Variants in ERC2 observed in about 807,000 individuals in gnomAD.
The protein encoded by ERC2 is ERC protein 2.
Under a neutral mutation model 114.8 loss-of-function variants are expected in ERC2, and 42 were observed. That is an observed-to-expected ratio of 0.37 (90% CI 0.29 to 0.47). The LOEUF is 0.47. Ranked by LOEUF, ERC2 falls within the 20% of genes least tolerant of loss-of-function variation. The probability of loss-of-function intolerance (pLI) is 0.99; values close to 1 mark genes in which losing one functional copy is unlikely to be tolerated. For synonymous variants in ERC2, 454 were observed against 425.5 expected (o/e 1.07, Z -0.82); for missense variants, 939 against 1,150.7 (o/e 0.82, Z 2.66).
intron 2 of ERC2, among the ~76,000 whole-genome samples, chr3:56,412,903 G>A (rs566984202): frequency 5.0e-4 from 76 of 152,266 alleles, no homozygotes; most frequent in Non-Finnish European, 8.7e-4. Flanking sequence ...AGAAAAAAAT[G>A]GATAGACATA....
intron 17 of ERC2, among the ~76,000 whole-genome samples, chr3:55,561,610 G>C (rs73830647): frequency 0.018 from 2,698 of 152,212 alleles, 90 homozygotes; most frequent in African/African-American, 0.061. Flanking sequence ...AATGAATGTG[G>C]CATTTTTGTG....
Position 56,045,607 on chromosome 3 carries a change from G to A in ERC2, c.1642-26576C>T, listed in dbSNP as rs371642228. 3.5e-4 allele frequency among the ~76,000 whole-genome samples: 53 copies of A among 152,168 alleles called. 1 individual carries two copies. The highest frequency in any genetic ancestry group is 1.0e-3 in the South Asian group (5 of 4,814). On this transcript the variant is annotated intron_variant, in intron 7 of 17. Coordinates refer to ENST00000288221, the MANE Select transcript of ERC2 (RefSeq NM_015576.3). The stretch of plus-strand genomic sequence containing the variant: ...CATCTAAAATTCACAAATGCTATAC[G>A]GTAACTTTGAGCACCTTTAAAATTT...
intron 14 of ERC2, among the ~76,000 whole-genome samples, chr3:55,857,632 T>A (rs535372657): frequency 6.6e-6 from 1 of 152,196 alleles, no homozygotes; most frequent in South Asian, 2.1e-4. Flanking sequence ...AGAAAAAAGG[T>A]GAGCTGGGAG....
intron 2 of ERC2, among the ~76,000 whole-genome samples, chr3:56,367,522 G>T (rs936373990): frequency 2.6e-5 from 4 of 151,658 alleles, no homozygotes; most frequent in Admixed American, 6.6e-5. Flanking sequence ...CTCTCCTAAG[G>T]CCCCAAGATG....
chr3:56,388,154 C>A (rs1278686326), intron 2 of ERC2, among the ~76,000 whole-genome samples: 1 of 152,120 alleles, frequency 6.6e-6, no homozygotes, highest in Non-Finnish European at 1.5e-5. Context: ...AATGGTGATA[C>A]AGTTTGGATG....
chr3:55,592,894 C>T (rs1030356128), intron 17 of ERC2, among the ~76,000 whole-genome samples: 8 of 152,236 alleles, frequency 5.3e-5, no homozygotes, highest in East Asian at 1.9e-4. Flanking sequence ...CTACTGTACC[C>T]GTTAAAATGC....
At chr3:56,381,922 C>A (rs574662509) in intron 2 of ERC2, among the ~76,000 whole-genome samples, 15 of 152,192 alleles carry the variant, frequency 9.9e-5, no homozygotes, top group African/African-American at 3.4e-4. Flanking sequence ...CTCCTATACC[C>A]TCAACCTCTT....
chr3:55,604,026 C>G (rs1194645748), intron 17 of ERC2, among the ~76,000 whole-genome samples: 1 of 152,134 alleles, frequency 6.6e-6, no homozygotes, highest in African/African-American at 2.4e-5. Context: ...ACTGTGCCTG[C>G]CAGGCTGACT....
At chr3:55,542,992 G>A (rs1296501761) in intron 17 of ERC2, among the ~76,000 whole-genome samples, 2 of 152,180 alleles carry the variant, frequency 1.3e-5, no homozygotes, top group African/African-American at 4.8e-5. Context: ...TGTTACCACT[G>A]GGATGATCTG....
chr3:55,935,594 G>A (rs963925692), intron 13 of ERC2, among the ~76,000 whole-genome samples: 6 of 152,206 alleles, frequency 3.9e-5, no homozygotes, highest in African/African-American at 1.4e-4. Flanking sequence ...GCTTCACTTA[G>A]AGAACCAAAG....
chr3:56,446,446 A>C (rs1185753567), intron 1 of ERC2, among the ~76,000 whole-genome samples: 2 of 152,036 alleles, frequency 1.3e-5, no homozygotes, highest in Non-Finnish European at 1.5e-5. Context: ...GTTGTAACTC[A>C]TGAGGAAGGC....
chr3:55,911,696 G>A (rs2064824525), intron 13 of ERC2, among the ~76,000 whole-genome samples: 1 of 152,048 alleles, frequency 6.6e-6, no homozygotes, highest in South Asian at 2.1e-4. Flanking sequence ...TATGTTAGAG[G>A]GAAAAATTTA....
rs376179414 is a variant in ERC2 at position 56,188,064 on chromosome 3, CAG to C, written c.1075-14546_1075-14545del. ...GGATTTGCTCTGATTAATAGGGTGA[CAG>C]GGGGAGGAAAGGGCCTGTCATCCAT... On this transcript the variant is annotated intron_variant, in intron 3 of 17. Coordinates refer to ENST00000288221, the MANE Select transcript of ERC2 (RefSeq NM_015576.3). Among the ~76,000 whole-genome samples the C allele has an allele frequency of 3.4e-3, 524 of 152,192 alleles. 1 individual carries two copies. Among genetic ancestry groups the C allele is most frequent in the African/African-American group, 0.012 (492 of 41,506 alleles).
intron 17 of ERC2, among the ~76,000 whole-genome samples, chr3:55,575,163 C>T (rs1189833447): frequency 3.9e-5 from 6 of 152,130 alleles, no homozygotes; most frequent in African/African-American, 1.2e-4. Flanking sequence ...TACAGGCATG[C>T]GCCACTAAGC....
At chr3:55,852,133 T>C (rs564688333) in intron 14 of ERC2, among the ~76,000 whole-genome samples, 77 of 152,236 alleles carry the variant, frequency 5.1e-4, no homozygotes, top group African/African-American at 1.7e-3. Flanking sequence ...GGCAGGAGAA[T>C]TGCTTGTACC....
chr3:56,245,120 C>T (rs149180045), intron 3 of ERC2, among the ~76,000 whole-genome samples: 6 of 151,868 alleles, frequency 4.0e-5, no homozygotes, highest in Non-Finnish European at 8.8e-5. Context: ...GACAAAATCA[C>T]CTAATGTCAC....
chr3:55,762,831 G>C (rs960494218), intron 14 of ERC2, among the ~76,000 whole-genome samples: 1 of 152,196 alleles, frequency 6.6e-6, no homozygotes, highest in Non-Finnish European at 1.5e-5. Flanking sequence ...GTGTGGAGGA[G>C]AGACCTAACT....
At chr3:56,334,961 T>A (rs560394836) in intron 2 of ERC2, among the ~76,000 whole-genome samples, 2 of 152,174 alleles carry the variant, frequency 1.3e-5, no homozygotes, top group African/African-American at 2.4e-5. Context: ...CGTGCCACCA[T>A]GCCCAGCTAA....
intron 6 of ERC2, among the ~76,000 whole-genome samples, chr3:56,094,574 T>C (rs553490052): frequency 6.6e-6 from 1 of 152,320 alleles, no homozygotes; most frequent in Admixed American, 6.5e-5. Context: ...AAAATTGAGA[T>C]AAAATTTTGC....
Sources: allele counts gnomAD v4.1 joint callset (sites outside exome capture counted in the v4.1 genomes callset), GRCh38; gene constraint gnomAD v4.1.1; transcripts MANE v1.5; gene names NCBI Gene and HGNC (gene_info 2026-07-23, HGNC 2026-07-21).